PRKG1: variants seen among roughly 807,000 people sequenced by gnomAD.
PRKG1 encodes the protein cGMP-dependent protein kinase 1.
In PRKG1, 35 loss-of-function variants were observed where a neutral mutation model predicts 88.1. The ratio of observed to expected loss-of-function variants is 0.40; its 90% CI spans 0.30 to 0.53. PRKG1 has a LOEUF of 0.53. Among genes scored for constraint, PRKG1 ranks in the 20% least tolerant of loss-of-function variants. The probability of loss-of-function intolerance (pLI) is 0.59; values close to 1 mark genes in which losing one functional copy is unlikely to be tolerated. For synonymous variants in PRKG1, 303 were observed against 292.5 expected, an observed-to-expected ratio of 1.04 and a Z score of -0.37; for missense variants, 540 against 839.8, an observed-to-expected ratio of 0.64 and a Z score of 4.41.
At chr10:51,060,904 G>T (rs529945620) in intron 1 of PRKG1, among the ~76,000 whole-genome samples, 1 of 151,656 alleles carries the variant, frequency 6.6e-6, no homozygotes, top group Non-Finnish European at 1.5e-5. Flanking sequence ...TTTTTCAGCC[G>T]TTTGAGGCTA....
intron 2 of PRKG1, among the ~76,000 whole-genome samples, chr10:51,209,330 T>C (rs1383305011): frequency 2.0e-5 from 3 of 152,204 alleles, no homozygotes. Flanking sequence ...CTGTAATTCC[T>C]GTCCCCAGGC....
At chr10:51,106,900 CA>C (rs931408652) in intron 1 of PRKG1, among the ~76,000 whole-genome samples, 5 of 152,030 alleles carry the variant, frequency 3.3e-5, no homozygotes, top group African/African-American at 1.2e-4. Context: ...AGTGAACAGA[CA>C]AAAGTGTTAG....
chr10:51,750,526 T>C (rs1398403589), intron 3 of PRKG1, among the ~76,000 whole-genome samples: 1 of 152,132 alleles, frequency 6.6e-6, no homozygotes, highest in Non-Finnish European at 1.5e-5. Context: ...AGCTAGCTGC[T>C]GGGTACACTG....
At chr10:52,237,616 T>C (rs1379105418) in intron 9 of PRKG1, among the ~76,000 whole-genome samples, 8 of 142,886 alleles carry the variant, frequency 5.6e-5, no homozygotes, top group Non-Finnish European at 1.2e-4. Context: ...TTACAAAGGA[T>C]GTGAAGGACC....
intron 4 of PRKG1, among the ~76,000 whole-genome samples, chr10:51,822,095 A>G (rs188330244): frequency 2.6e-4 from 40 of 151,796 alleles, no homozygotes; most frequent in Admixed American, 1.2e-3. Flanking sequence ...GTATATATAT[A>G]CACACATATA....
chr10:51,414,782 A>G (rs1838193533), intron 2 of PRKG1, among the ~76,000 whole-genome samples: 1 of 152,216 alleles, frequency 6.6e-6, no homozygotes, highest in African/African-American at 2.4e-5. Flanking sequence ...AAAAAACAAT[A>G]TTATGATTCT....
At chr10:52,155,204 A>G in intron 8 of PRKG1, among the ~76,000 whole-genome samples, 1 of 152,014 alleles carries the variant, frequency 6.6e-6, no homozygotes, top group Non-Finnish European at 1.5e-5. Flanking sequence ...TAAAAGTTCT[A>G]CTTTTAATTT....
chr10:51,732,322 C>T lies in PRKG1; in HGVS notation c.593-72263C>T, dbSNP rs534117011. 3.2e-4 allele frequency among the ~76,000 whole-genome samples: 49 copies of T among 152,306 alleles called. 1 individual carries two copies. In the South Asian group the frequency reaches 9.9e-3, roughly 31 times the overall value. On this transcript the variant is annotated intron_variant, in intron 3 of 17. Transcript: ENST00000373980. ...AATGACCTCTTCACAGGCCCTGTCT[C>T]CACATACAGTCACAGTGTGAGGTAT...
intron 1 of PRKG1, among the ~76,000 whole-genome samples, chr10:51,027,081 G>T (rs1264113385): frequency 6.6e-6 from 1 of 152,246 alleles, no homozygotes; most frequent in Non-Finnish European, 1.5e-5. Context: ...GAGGCTCCTT[G>T]TTAAAAGATC....
intron 3 of PRKG1, among the ~76,000 whole-genome samples, chr10:51,520,961 A>T (rs1296177736): frequency 6.6e-6 from 1 of 152,234 alleles, no homozygotes; most frequent in Non-Finnish European, 1.5e-5. Context: ...CTCAGTGTGT[A>T]TAAGGAAGGA....
chr10:51,550,246 A>T (rs532538619), intron 3 of PRKG1, among the ~76,000 whole-genome samples: 5 of 152,066 alleles, frequency 3.3e-5, no homozygotes, highest in Non-Finnish European at 7.4e-5. Flanking sequence ...TCATGCCCCA[A>T]TTGTAGTTAG....
At chr10:51,595,609 G>T (rs1396474890) in intron 3 of PRKG1, among the ~76,000 whole-genome samples, 1 of 145,636 alleles carries the variant, frequency 6.9e-6, no homozygotes, top group Non-Finnish European at 1.5e-5. Flanking sequence ...CAGCCTGGGT[G>T]ACAGAGTGAG....
chr10:51,127,072 ACG>A (rs1845445759), intron 1 of PRKG1, among the ~76,000 whole-genome samples: 1 of 152,204 alleles, frequency 6.6e-6, no homozygotes, highest in South Asian at 2.1e-4. Context: ...CATGATGAAA[ACG>A]CCAAAAACGA....
chr10:51,139,373 G>A (rs1845771231), intron 1 of PRKG1, among the ~76,000 whole-genome samples: 1 of 152,128 alleles, frequency 6.6e-6, no homozygotes, highest in Non-Finnish European at 1.5e-5. Flanking sequence ...TAGAAAATAT[G>A]GTTCTGGCAG....
chr10:51,145,929 G>A (rs1467028399), intron 1 of PRKG1, among the ~76,000 whole-genome samples: 1 of 152,134 alleles, frequency 6.6e-6, no homozygotes, highest in Non-Finnish European at 1.5e-5. Context: ...TAAACTTTGG[G>A]AGGCTGAGGC....
At chr10:51,540,240 G>T (rs1207646206) in intron 3 of PRKG1, among the ~76,000 whole-genome samples, 1 of 152,060 alleles carries the variant, frequency 6.6e-6, no homozygotes, top group African/African-American at 2.4e-5. Flanking sequence ...AAAATTTTAG[G>T]GTATGATCTC....
chr10:51,608,175 T>C, intron 3 of PRKG1, among the ~76,000 whole-genome samples: 1 of 151,576 alleles, frequency 6.6e-6, no homozygotes, highest in Non-Finnish European at 1.5e-5. Flanking sequence ...AACAACAGAC[T>C]GCATATACTA....
chr10:51,318,369 TAAATA>T (rs1841373725), intron 2 of PRKG1, among the ~76,000 whole-genome samples: 1 of 152,180 alleles, frequency 6.6e-6, no homozygotes, highest in Non-Finnish European at 1.5e-5. Context: ...TCATGAAGAT[TAAATA>T]AAATGGTACA....
chr10:51,841,565 A>G (rs1280627086), intron 4 of PRKG1, among the ~76,000 whole-genome samples: 1 of 152,128 alleles, frequency 6.6e-6, no homozygotes, highest in Non-Finnish European at 1.5e-5. Flanking sequence ...TTTTAAAGAG[A>G]GATTTTTAGA....
Sources: gnomAD v4.1 joint callset for allele counts (sites outside exome capture counted in the v4.1 genomes callset) on GRCh38, gnomAD v4.1.1 for gene constraint, MANE v1.5 for transcripts, NCBI Gene and HGNC (gene_info 2026-07-23, HGNC 2026-07-21) for gene names.